The following TMBIM1 variants were observed in gnomAD, a reference collection of about 807,000 sequenced individuals.
TMBIM1 encodes the protein transmembrane BAX inhibitor motif containing 1.
In TMBIM1, 34 loss-of-function variants were observed where a neutral mutation model predicts 45.1. The ratio of observed to expected loss-of-function variants is 0.75; its 90% CI spans 0.57 to 1.00. The LOEUF is 1.00. Ranked by LOEUF, TMBIM1 falls within the 50% of genes least tolerant of loss-of-function variation. The probability of loss-of-function intolerance (pLI) is 0.00; values close to 1 mark genes in which losing one functional copy is unlikely to be tolerated. For missense variants in TMBIM1, 374 were observed against 402.4 expected, an observed-to-expected ratio of 0.93 and a Z score of 0.60; for synonymous variants, 157 against 153.5, an observed-to-expected ratio of 1.02 and a Z score of -0.17.
At chr2:218,288,858 A>G (rs1411358339) in intron 1 of TMBIM1, among the ~76,000 whole-genome samples, 3 of 152,176 alleles carry the variant, frequency 2.0e-5, no homozygotes, top group Non-Finnish European at 2.9e-5. Flanking sequence ...ATTTTGGATA[A>G]GAGACACTCA....
intron 2 of TMBIM1, 83 bp downstream of exon 2, chr2:218,281,856 AG>A (rs1348650444): frequency 1.2e-5 from 13 of 1,051,744 alleles, no homozygotes; most frequent in Non-Finnish European, 1.8e-5. Context: ...AAACTAGAAG[AG>A]AAAAGGGGCA....
intron 1 of TMBIM1, among the ~76,000 whole-genome samples, chr2:218,284,559 C>T (rs1384005834): frequency 6.6e-6 from 1 of 152,226 alleles, no homozygotes; most frequent in African/African-American, 2.4e-5. Flanking sequence ...TCACTCCTGC[C>T]TCTCTTGCCC....
rs763847097 is a variant in TMBIM1 at position 218,277,091 on chromosome 2, G to A, written c.648C>T (p.Phe216=). The A allele has an allele frequency of 1.9e-6, 3 of 1,613,986 alleles. No individual in the cohort carries two copies. The highest frequency in any genetic ancestry group is 1.3e-5 in the African/African-American group (1 of 74,948). The change falls in exon 10 of 12, where the codon TTC becomes TTT. Residue 216 remains phenylalanine (F), a synonymous_variant. Coordinates refer to ENST00000258412, the MANE Select transcript of TMBIM1 (RefSeq NM_022152.6). ...CACAGAAGAGGCCTGTGCACGAGGT[G>A]AAGTCCACCTGCCAGGAAGCAAGAA... ...TIFCFQTKVD[F]TSCTGLFCVL...
chr2:218,275,805 C>T (rs1296192289), intron 11 of TMBIM1, among the ~76,000 whole-genome samples, 184 bp from the exon 12 acceptor site: 1 of 152,158 alleles, frequency 6.6e-6, no homozygotes, highest in African/African-American at 2.4e-5. Context: ...GCAGACACAC[C>T]GTTCTCAATA....
Position 218,276,064 on chromosome 2 carries a change from T to C in TMBIM1, c.751A>G (p.Met251Val), listed in dbSNP as rs1222803048. Residue 251 changes from methionine to valine, a missense_variant, in exon 11 of 12, where the codon ATG (methionine) becomes GTG (valine). By Grantham distance (21) the Met-to-Val change is conservative. Transcript: ENST00000258412. ...LYFQYVYWLHMLYAALGAICF... is the reference protein window; with the variant it reads ...LYFQYVYWLHVLYAALGAICF... ...ATGGCCCCCAGAGCAGCATAGAGCA[T>C]GTGGAGCCAGTAAACCTGGAGAAGA... The C allele has an allele frequency of 1.2e-6, 2 of 1,612,962 alleles. No individual in the cohort carries two copies. The highest frequency in any genetic ancestry group is 1.1e-5 in the South Asian group (1 of 90,704).
chr2:218,279,220 C>T, intron 4 of TMBIM1, 69 bp downstream of exon 4: 1 of 1,560,004 alleles, frequency 6.4e-7, no homozygotes, highest in African/African-American at 1.4e-5. Context: ...CCACCGCCAC[C>T]CACACCCCCA....
chr2:218,276,162 G>T, intron 10 of TMBIM1, 83 bp from the exon 11 acceptor site: 1 of 1,468,366 alleles, frequency 6.8e-7, no homozygotes, highest in Non-Finnish European at 9.4e-7. Flanking sequence ...CCGGGATAGT[G>T]GCATGAGAGT....
At chr2:218,276,156 G>C in intron 10 of TMBIM1, 77 bp from the exon 11 acceptor site, 1 of 1,512,452 alleles carries the variant, frequency 6.6e-7, no homozygotes, top group Non-Finnish European at 9.1e-7. Flanking sequence ...CTTCCCCCGG[G>C]ATAGTGGCAT....
At chr2:218,278,302 C>T (rs761101588) in intron 6 of TMBIM1, 7 of 619,874 alleles carry the variant, frequency 1.1e-5, no homozygotes, top group Non-Finnish European at 2.0e-5. Flanking sequence ...TGCTACCTGT[C>T]TTGCAGGGTT....
intron 7 of TMBIM1, 83 bp from the exon 8 acceptor site, chr2:218,277,753 G>A (rs1418875641): frequency 1.3e-6 from 2 of 1,582,910 alleles, no homozygotes; most frequent in African/African-American, 1.3e-5. Context: ...GGTGGCCTCT[G>A]CCAGAGCTGG....
At chr2:218,281,161 T>C (rs1169610502) in intron 2 of TMBIM1, among the ~76,000 whole-genome samples, 6 of 149,910 alleles carry the variant, frequency 4.0e-5, no homozygotes, top group Non-Finnish European at 8.9e-5. Flanking sequence ...TGAGACAGAG[T>C]CTTGCTCTGT....
rs1450708512 is a variant in TMBIM1, at chr2:218,274,610, C to T, written c.*865G>A. 6.4e-6 allele frequency: 1 copy of T among 155,496 alleles called. No individual in the cohort carries two copies. The highest frequency in any genetic ancestry group is 1.5e-5 in the Non-Finnish European group (1 of 68,398). The allele number at this position is 155,496 out of a possible 1,614,324, so 9.6% of individuals were successfully genotyped here. On this transcript the variant is annotated 3_prime_UTR_variant, in exon 12 of 12. Coordinates refer to ENST00000258412, the MANE Select transcript of TMBIM1 (RefSeq NM_022152.6). Reference sequence around the variant, plus strand: ...ACCGAGTCTCTCTTCACCCTGGCTACTTCCTGGCCACACGTATGACTCTGC... The same window carrying T: ...ACCGAGTCTCTCTTCACCCTGGCTATTTCCTGGCCACACGTATGACTCTGC...
intron 2 of TMBIM1, chr2:218,280,878 C>T (rs1456531598): frequency 7.7e-6 from 1 of 129,246 alleles, no homozygotes; most frequent in African/African-American, 3.1e-5. Context: ...AAGGCGTGAT[C>T]TCGGCTCACC....
chr2:218,286,988 C>T (rs1164637468), intron 1 of TMBIM1: 2 of 152,266 alleles, frequency 1.3e-5, no homozygotes, highest in African/African-American at 4.8e-5. Flanking sequence ...ACTTTATCCT[C>T]CTACCCCAGG....
At chr2:218,288,239 T>C (rs912745305) in intron 1 of TMBIM1, among the ~76,000 whole-genome samples, 17 of 152,080 alleles carry the variant, frequency 1.1e-4, no homozygotes, top group South Asian at 2.1e-4. Flanking sequence ...CCATCCTGGC[T>C]AACATGGTGA....
Position 218,282,084 on chromosome 2 carries a change from G to A in TMBIM1, c.58C>T (p.Pro20Ser). The change falls in exon 2 of 12, where the codon CCT (proline) becomes TCT (serine). Residue 20 changes from proline to serine, a missense_variant. Coordinates refer to ENST00000258412, the MANE Select transcript of TMBIM1 (RefSeq NM_022152.6). ...YEDRNPLYPG[P>S]PPPGGYGQPS... ...TGCCCATAGCCCCCAGGGGGCGGAG[G>A]GCCTGGGTACAGGGGGTTGCGGTCT... 2 of 1,588,584 alleles carry A rather than the reference G, an allele frequency of 1.3e-6. No homozygotes were observed. The highest frequency in any genetic ancestry group is 1.7e-6 in the Non-Finnish European group (2 of 1,168,352).
At chr2:218,289,295 G>A (rs1182987821) in intron 1 of TMBIM1, among the ~76,000 whole-genome samples, 1 of 152,154 alleles carries the variant, frequency 6.6e-6, no homozygotes, top group Non-Finnish European at 1.5e-5. Context: ...TCACTCCACT[G>A]TGAGAGCCAC....
intron 1 of TMBIM1, among the ~76,000 whole-genome samples, chr2:218,291,551 G>A (rs776201770): frequency 3.3e-5 from 5 of 152,134 alleles, no homozygotes; most frequent in Non-Finnish European, 7.4e-5. Flanking sequence ...AGGGTGCTCA[G>A]GTAGAACCCC....
chr2:218,277,309 C>G (rs1008726667), intron 9 of TMBIM1, 57 bp downstream of exon 9: 1 of 1,522,490 alleles, frequency 6.6e-7, no homozygotes, highest in Admixed American at 1.7e-5. Flanking sequence ...TGCCGGGGTC[C>G]GGGCCTGATA....
Sources: allele counts gnomAD v4.1 joint callset (sites outside exome capture counted in the v4.1 genomes callset), GRCh38; gene constraint gnomAD v4.1.1; transcripts MANE v1.5; gene names NCBI Gene and HGNC (gene_info 2026-07-23, HGNC 2026-07-21).